MYO1G: variants seen among roughly 807,000 people sequenced by gnomAD.
The protein encoded by MYO1G is myosin IG, also known as unconventional myosin-Ig.
Under a neutral mutation model 115.3 loss-of-function variants are expected in MYO1G, and 65 were observed. That is an observed-to-expected ratio of 0.56 (90% CI 0.46 to 0.69). The LOEUF (loss-of-function observed/expected upper bound fraction) is 0.69. Among genes scored for constraint, MYO1G ranks in the 30% least tolerant of loss-of-function variants. MYO1G has a pLI of 0.00. For missense variants in MYO1G, 1,204 were observed against 1,393.5 expected (o/e 0.86, Z 2.16); for synonymous variants, 510 against 552.6 (o/e 0.92, Z 1.08).
chr7:44,978,854 G>A lies in MYO1G; in HGVS notation c.95+13C>T, dbSNP rs1795131106. 1.9e-6 allele frequency: 3 copies of A among 1,612,348 alleles called. No homozygotes were observed. Among genetic ancestry groups the A allele is most frequent in the Non-Finnish European group, 2.5e-6 (3 of 1,178,518 alleles). ...TGGAGGAGGGGAGCCACTGCCTCCT[G>A]CCCTGGGCCTACCTGAGCTGCAGGT... On this transcript the variant is annotated intron_variant, in intron 1 of 21. Coordinates refer to ENST00000258787, the MANE Select transcript of MYO1G (RefSeq NM_033054.3).
chr7:44,971,394 T>G (rs2128702273), intron 7 of MYO1G, among the ~76,000 whole-genome samples: 1 of 152,304 alleles, frequency 6.6e-6, no homozygotes, highest in African/African-American at 2.4e-5. Flanking sequence ...AGGCACTGAG[T>G]AAATGCAACC....
At chr7:44,971,911 C>A in intron 6 of MYO1G, 122 bp from the exon 7 acceptor site, 1 of 789,534 alleles carries the variant, frequency 1.3e-6, no homozygotes, top group South Asian at 1.7e-5. Context: ...CCTTCCTGAA[C>A]CTGATTACTC....
chr7:44,967,622 C>T lies in MYO1G; in HGVS notation c.1765G>A (p.Glu589Lys), dbSNP rs752533714. The T allele has an allele frequency of 6.2e-7, 1 of 1,613,846 alleles. No homozygotes were observed. Among genetic ancestry groups the T allele is most frequent in the South Asian group, 1.1e-5 (1 of 91,090 alleles). ...LFKNSMVALV[E>K]NLASKEPFYV... The stretch of plus-strand genomic sequence containing the variant: ...GAACATACCTTGGAGGCAAGGTTCT[C>T]CACCAGGGCCACCATGGAGTTCTTG... The change falls in exon 14 of 22, where the codon GAG (glutamate) becomes AAG (lysine). Residue 589 changes from glutamate (E) to lysine (K), a missense_variant. Glu to Lys is a moderately conservative substitution (Grantham distance 56). Coordinates refer to ENST00000258787, the MANE Select transcript of MYO1G (RefSeq NM_033054.3).
chr7:44,962,884 G>A lies in MYO1G; in HGVS notation c.2912C>T (p.Thr971Ile). ...GCAGTCGGAGACGCGAACCTCCAGG[G>A]TGCGGCCCTCCCTGCGGCAGGAGGA... is the stretch of plus-strand genomic sequence containing the variant. Reference protein sequence around the residue: ...LAAHCQGEGRTLEVRVSDCIP... With the variant: ...LAAHCQGEGRILEVRVSDCIP... Residue 971 changes from threonine (T) to isoleucine (I), a missense_variant, in exon 22 of 22, where the codon ACC becomes ATC. By Grantham distance (89) the Thr-to-Ile change is moderately conservative. Coordinates refer to ENST00000258787, the MANE Select transcript of MYO1G (RefSeq NM_033054.3). This position sits in a 1 kb window ranked among gnomAD's most constrained non-coding sequence, Gnocchi z 5.3. 1 of 1,493,058 alleles carries A rather than the reference G, an allele frequency of 6.7e-7. No individual in the cohort carries two copies. The highest frequency in any genetic ancestry group is 8.9e-7 in the Non-Finnish European group (1 of 1,123,230). The allele number at this position is 1,493,058 out of a possible 1,614,324, so 92.5% of individuals were successfully genotyped here. A position where few individuals can be genotyped will look rare whatever the true frequency, so the allele number is the denominator to read the frequency against.
rs1349062821 is a variant in MYO1G at position 44,965,833 on chromosome 7, G to A, written c.2185C>T (p.Arg729Cys). The change falls in exon 17 of 22, where the codon CGC (arginine) becomes TGC (cysteine). Residue 729 changes from arginine (R) to cysteine (C), a missense_variant. Transcript: ENST00000258787. ...KAWRGTLARW[R>C]CRRLRAIYTI... ...TAGATAGCCCTCAGCCTCCGGCAGC[G>A]CCACCTCGCCAAGGTGCCCCGCCAT... 7 of 1,598,264 alleles carry A rather than the reference G, an allele frequency of 4.4e-6. No individual in the cohort carries two copies. The highest frequency in any genetic ancestry group is 1.9e-4 in the Middle Eastern group (1 of 5,218).
At chr7:44,967,488 G>C in intron 14 of MYO1G, 117 bp downstream of exon 14, 1 of 1,389,072 alleles carries the variant, frequency 7.2e-7, no homozygotes, top group South Asian at 1.3e-5. Context: ...ATACAGACAG[G>C]ACAAGAACCC....
At position 44,965,199 on chromosome 7, in the gene MYO1G, A is replaced by C. The variant is rs111432224; in HGVS notation, c.2382-110T>G. The C allele has an allele frequency of 6.2e-6, 9 of 1,460,706 alleles. 1 individual carries two copies. The highest frequency in any genetic ancestry group is 4.2e-5 in the African/African-American group (3 of 71,110). 90.5% of individuals were successfully genotyped at this position (1,460,706 alleles called of 1,614,324 possible). ...CTCAGCCTGGTGCTGCCTGCCTTTC[A>C]TGTCCCAACCTCTGCCGGCCTCTCT... is the stretch of plus-strand genomic sequence containing the variant. On this transcript the variant is annotated intron_variant, in intron 17 of 21. Coordinates refer to ENST00000258787, the MANE Select transcript of MYO1G (RefSeq NM_033054.3).
Position 44,964,931 on chromosome 7 carries a change from C to T in MYO1G, c.2526+14G>A, listed in dbSNP as rs778248552. 1.4e-5 allele frequency: 22 copies of T among 1,584,480 alleles called. No individual in the cohort carries two copies. The African/African-American group carries it at 1.9e-4, about 14-fold the overall frequency. ...CACTTCCCCCTGGCAGCCCTGGACT[C>T]GCCTGGCACTTACAGAGGACAGGTA... On this transcript the variant is annotated intron_variant, in intron 18 of 21. Transcript: ENST00000258787. This position sits in a 1 kb window ranked among gnomAD's most constrained non-coding sequence, Gnocchi z 5.1.
At chr7:44,973,627 C>A (rs1794998799) in intron 5 of MYO1G, 1 of 151,692 alleles carries the variant, frequency 6.6e-6, no homozygotes, top group East Asian at 2.0e-4. Context: ...TTCATGGAGA[C>A]CCTGCCCAAA....
At chr7:44,965,996 C>T in intron 16 of MYO1G, 77 bp downstream of exon 16, 1 of 1,572,650 alleles carries the variant, frequency 6.4e-7, no homozygotes, top group Non-Finnish European at 8.6e-7. Flanking sequence ...GTGAAACTTA[C>T]AAGTGTGTTT....
At chr7:44,977,650 C>A (rs531818849) in intron 1 of MYO1G, among the ~76,000 whole-genome samples, 274 of 152,290 alleles carry the variant, frequency 1.8e-3, no homozygotes, top group African/African-American at 6.2e-3. Flanking sequence ...CCTGGCACAG[C>A]CTCAGACTTC....
intron 5 of MYO1G, chr7:44,972,518 C>T (rs530454520): frequency 1.3e-4 from 51 of 400,180 alleles, no homozygotes; most frequent in African/African-American, 8.2e-4. Context: ...ACATTGCCCT[C>T]GACCCAGGGG....
chr7:44,965,645 G>T lies in MYO1G; in HGVS notation c.2373C>A (p.Leu791=). Residue 791 remains leucine, a synonymous_variant, in exon 17 of 22, where the codon CTC becomes CTA. Coordinates refer to ENST00000258787, the MANE Select transcript of MYO1G (RefSeq NM_033054.3). ...LQPFQDTCHA[L]FCRWRARQLV... ...TGGGCTGAGAGTAGTACCTGCAGAAGAGTGCGTGGCAGGTGTCCTGGAAGG... is the reference window on the plus strand; with the variant it reads ...TGGGCTGAGAGTAGTACCTGCAGAATAGTGCGTGGCAGGTGTCCTGGAAGG... 1 of 1,613,028 alleles carries T rather than the reference G, an allele frequency of 6.2e-7. No individual in the cohort carries two copies. Among genetic ancestry groups the T allele is most frequent in the Middle Eastern group, 1.7e-4 (1 of 6,040 alleles).
chr7:44,968,762 C>T (rs958503250), intron 12 of MYO1G: 22 of 152,512 alleles, frequency 1.4e-4, no homozygotes. Context: ...ACTTTGGCCT[C>T]CCAAAGTGCT....
At chr7:44,971,356 A>G (rs1462747345) in intron 7 of MYO1G, among the ~76,000 whole-genome samples, 5 of 152,206 alleles carry the variant, frequency 3.3e-5, no homozygotes, top group Non-Finnish European at 7.3e-5. Context: ...CTTACTCCTC[A>G]TGCCGCTTAG....
intron 5 of MYO1G, 63 bp downstream of exon 5, chr7:44,975,111 C>G: frequency 6.5e-7 from 1 of 1,547,206 alleles, no homozygotes; most frequent in Non-Finnish European, 8.9e-7. Flanking sequence ...ACAAGCTGGT[C>G]CAGCTTGCTG....
chr7:44,978,687 C>T (rs1004358334), intron 1 of MYO1G, among the ~76,000 whole-genome samples, 180 bp downstream of exon 1: 1 of 152,236 alleles, frequency 6.6e-6, no homozygotes, highest in Non-Finnish European at 1.5e-5. Flanking sequence ...TTGTCTGTTC[C>T]TGTCCCCTGG....
In MYO1G at chr7:44,975,622, G is replaced by A. The variant is rs373038971; in HGVS notation, c.426C>T (p.Thr142=). The A allele has an allele frequency of 9.3e-6, 15 of 1,613,214 alleles. No individual in the cohort carries two copies. Among genetic ancestry groups the A allele is most frequent in the Admixed American group, 5.0e-5 (3 of 59,954 alleles). Residue 142 remains threonine, a synonymous_variant, in exon 4 of 22, where the codon ACC becomes ACT. Transcript: ENST00000258787. The stretch of plus-strand genomic sequence containing the variant: ...CATTGCCAAAGGCCTCCAGCACACA[G>A]GTGGACTTGAGCAGCACGTCCTTGA... ...ERVKDVLLKS[T]CVLEAFGNAR...
In MYO1G at chr7:44,977,017, G is replaced by C; in HGVS notation, c.150C>G (p.Asn50Lys). The C allele has an allele frequency of 6.2e-7, 1 of 1,613,636 alleles. No individual in the cohort carries two copies. The highest frequency in any genetic ancestry group is 8.5e-7 in the Non-Finnish European group (1 of 1,180,024). ...TYIGEVLVSV[N>K]PYQELPLYGP... ...CATACAGGGGCAGCTCCTGGTAGGG[G>C]TTCACGGACACCAGCACCTCACCGA... is the stretch of plus-strand genomic sequence containing the variant. Residue 50 changes from asparagine to lysine, a missense_variant, in exon 2 of 22, where the codon AAC becomes AAG. Physicochemically the swap from Asn to Lys is moderately conservative, Grantham distance 94. Coordinates refer to ENST00000258787, the MANE Select transcript of MYO1G (RefSeq NM_033054.3).
Sources: gnomAD v4.1 joint callset for allele counts (sites outside exome capture counted in the v4.1 genomes callset) on GRCh38, gnomAD v4.1.1 for gene constraint, Gnocchi (gnomAD v3.1) non-coding constraint, MANE v1.5 for transcripts, NCBI Gene and HGNC (gene_info 2026-07-23, HGNC 2026-07-21) for gene names.